Variants in DYNC2I1 observed in about 807,000 individuals in gnomAD.
DYNC2I1 encodes the protein cytoplasmic dynein 2 intermediate chain 1.
In DYNC2I1, 89 loss-of-function variants were observed where a neutral mutation model predicts 133.4. The ratio of observed to expected loss-of-function variants is 0.67; its 90% CI spans 0.56 to 0.80. DYNC2I1 has a LOEUF of 0.80. Among genes scored for constraint, DYNC2I1 ranks in the 30% least tolerant of loss-of-function variants. DYNC2I1 has a pLI of 0.00. For missense variants in DYNC2I1, 1,291 were observed against 1,314.5 expected, an observed-to-expected ratio of 0.98 and a Z score of 0.28; for synonymous variants, 504 against 484.3, an observed-to-expected ratio of 1.04 and a Z score of -0.54.
rs1851765471 is a variant in DYNC2I1 at position 158,945,260 on chromosome 7, T to G, written c.3003-321T>G. ...AGGCTGGAGACCAAGGACGAGGCTC[T>G]GATAGATGGGCCTGCCTGTGCTGCT... On this transcript the variant is annotated intron_variant, in intron 24 of 24. Transcript: ENST00000407559. The surrounding 1 kb of genome is among the most constrained non-coding windows in gnomAD (Gnocchi z 4.1). Among the ~76,000 whole-genome samples, 1 of 152,068 alleles carries G rather than the reference T, an allele frequency of 6.6e-6. No individual in the cohort carries two copies. Among genetic ancestry groups the G allele is most frequent in the Admixed American group, 6.5e-5 (1 of 15,280 alleles).
chr7:158,855,936 TTTC>T (rs1306639725), upstream of DYNC2I1, among the ~76,000 whole-genome samples: 4 of 146,112 alleles, frequency 2.7e-5, no homozygotes, highest in Non-Finnish European at 4.4e-5. Flanking sequence ...GTAAAGCTCT[TTTC>T]TTTTTTTTTT....
chr7:158,942,588 TG>T (rs541208805), intron 24 of DYNC2I1, among the ~76,000 whole-genome samples: 106 of 152,384 alleles, frequency 7.0e-4, no homozygotes, highest in Admixed American at 1.2e-3. Context: ...CCATCATTAG[TG>T]TTCTGTGAGT....
chr7:158,946,322 C>T (rs551773493), downstream of DYNC2I1: 3 of 152,344 alleles, frequency 2.0e-5, no homozygotes, highest in Non-Finnish European at 4.4e-5. Flanking sequence ...AGAAATCATA[C>T]AAGTAAATAA....
At chr7:158,848,649 G>A in the DYNC2I1 span, among the ~76,000 whole-genome samples, 11 of 151,862 alleles carry the variant, frequency 7.2e-5, no homozygotes, top group African/African-American at 2.4e-4. Context: ...ACCAGGCCGG[G>A]CGCGGTGACT....
At chr7:158,878,383 G>A (rs570952474) in intron 4 of DYNC2I1, among the ~76,000 whole-genome samples, 67 of 132,700 alleles carry the variant, frequency 5.0e-4, no homozygotes, top group African/African-American at 1.6e-3. Context: ...AGGGCCGACT[G>A]TGAATGCCGG....
chr7:158,854,555 T>C (rs1254834376), upstream of DYNC2I1, among the ~76,000 whole-genome samples: 3 of 151,980 alleles, frequency 2.0e-5, no homozygotes, highest in Admixed American at 6.5e-5. Context: ...GACGGGTTGA[T>C]GGGTGTCGCA....
intron 8 of DYNC2I1, among the ~76,000 whole-genome samples, chr7:158,895,743 T>A (rs898070160): frequency 2.5e-4 from 38 of 152,368 alleles, no homozygotes; most frequent in Non-Finnish European, 5.1e-4. Context: ...CTTGACAGAT[T>A]TGAGTCTCAT....
chr7:158,928,627 C>T (rs897875284), intron 20 of DYNC2I1, among the ~76,000 whole-genome samples: 1 of 152,186 alleles, frequency 6.6e-6, no homozygotes, highest in Non-Finnish European at 1.5e-5. Flanking sequence ...CCTCTCTGCT[C>T]ATGGAGCCGT....
At chr7:158,871,781 C>T (rs1211377618) in intron 3 of DYNC2I1, among the ~76,000 whole-genome samples, 1 of 152,168 alleles carries the variant, frequency 6.6e-6, no homozygotes, top group East Asian at 1.9e-4. Context: ...AGGGATCCTC[C>T]CACCGCAGCC....
the DYNC2I1 span, among the ~76,000 whole-genome samples, chr7:158,845,606 C>A: frequency 2.6e-5 from 4 of 152,144 alleles, no homozygotes; most frequent in Non-Finnish European, 5.9e-5. Flanking sequence ...ACAGCTAAAT[C>A]TCAAGTTACT....
chr7:158,858,037 C>T (rs565011099), intron 1 of DYNC2I1, among the ~76,000 whole-genome samples: 37 of 152,110 alleles, frequency 2.4e-4, no homozygotes, highest in Non-Finnish European at 4.3e-4. Context: ...GTGATCCGCC[C>T]GCCTTGGCCT....
chr7:158,886,203 C>G (rs1414477488), intron 6 of DYNC2I1, among the ~76,000 whole-genome samples: 1 of 151,410 alleles, frequency 6.6e-6, no homozygotes, highest in Non-Finnish European at 1.5e-5. Context: ...TGATCTCGGC[C>G]CACTGTAACC....
chr7:158,935,223 T>G lies in DYNC2I1; in HGVS notation c.2778+674T>G, dbSNP rs115796943. Among the ~76,000 whole-genome samples, 1,045 of 152,354 alleles carry G rather than the reference T, an allele frequency of 6.9e-3. 9 individuals are homozygous for G. Among genetic ancestry groups the G allele is most frequent in the African/African-American group, 0.024 (988 of 41,588 alleles). ...AGCAGTCCCTGCGCTGCACTCATGC[T>G]GCAGGAAATGTGTGTGTGGGTGCGA... On this transcript the variant is annotated intron_variant, in intron 23 of 24. Transcript: ENST00000407559.
At chr7:158,845,942 CAAAGGTTATTT>C in the DYNC2I1 span, among the ~76,000 whole-genome samples, 21 of 152,200 alleles carry the variant, frequency 1.4e-4, no homozygotes, top group East Asian at 4.1e-3. Context: ...TTGTCTACTT[CAAAGGTTATTT>C]AAAGGTTACA....
At chr7:158,867,356 C>T (rs1307158910) in intron 1 of DYNC2I1, among the ~76,000 whole-genome samples, 1 of 152,178 alleles carries the variant, frequency 6.6e-6, no homozygotes, top group Non-Finnish European at 1.5e-5. Context: ...TGGTGATAAG[C>T]ACCTGCGTGT....
Position 158,885,042 on chromosome 7 carries a change from G to A in DYNC2I1, c.935+423G>A, listed in dbSNP as rs1392060178. On this transcript the variant is annotated intron_variant, in intron 6 of 24. Coordinates refer to ENST00000407559, the MANE Select transcript of DYNC2I1 (RefSeq NM_018051.5). ...CCCTGCCTGAAGCTAAAGCAAATCC[G>A]CAGGTGGGCAGTTTTGCACCTTTAC... Among the ~76,000 whole-genome samples the A allele has an allele frequency of 3.3e-5, 5 of 152,102 alleles. No individual in the cohort carries two copies. The South Asian group carries it at 6.2e-4, about 19-fold the overall frequency.
At chr7:158,868,162 TGTAAA>T (rs1842570451) in intron 1 of DYNC2I1, among the ~76,000 whole-genome samples, 1 of 152,154 alleles carries the variant, frequency 6.6e-6, no homozygotes, top group Non-Finnish European at 1.5e-5. Flanking sequence ...CAGCTTGACT[TGTAAA>T]GGAAGGGTTG....
chr7:158,944,129 A>G (rs952671124), intron 24 of DYNC2I1, among the ~76,000 whole-genome samples: 2 of 152,182 alleles, frequency 1.3e-5, no homozygotes, highest in Admixed American at 6.5e-5. Context: ...TTACGTTACA[A>G]TCTCTGACAA....
chr7:158,931,441 A>G (rs1850205486), intron 21 of DYNC2I1, among the ~76,000 whole-genome samples: 1 of 152,214 alleles, frequency 6.6e-6, no homozygotes, highest in South Asian at 2.1e-4. Flanking sequence ...AATCAATTAT[A>G]TTTTAAAAAG....
Sources: allele counts gnomAD v4.1 joint callset (sites outside exome capture counted in the v4.1 genomes callset), GRCh38; gene constraint gnomAD v4.1.1; non-coding constraint Gnocchi (gnomAD v3.1); transcripts MANE v1.5; gene names NCBI Gene and HGNC (gene_info 2026-07-23, HGNC 2026-07-21).